The following SIN3B variants were observed in gnomAD, a reference collection of about 807,000 sequenced individuals.
The protein encoded by SIN3B is SIN3 transcription regulator family member B, also known as paired amphipathic helix protein Sin3b.
In SIN3B, 19 loss-of-function variants were observed where a neutral mutation model predicts 120.2. The ratio of observed to expected loss-of-function variants is 0.16; its 90% CI spans 0.11 to 0.23. The LOEUF is 0.23. Ranked by LOEUF, SIN3B falls within the 10% of genes least tolerant of loss-of-function variation. SIN3B has a pLI of 1.00. For missense variants in SIN3B, 1,073 were observed against 1,573.0 expected (o/e 0.68, Z 5.38); for synonymous variants, 654 against 653.2 (o/e 1.00, Z -0.02).
At chr19:16,863,318 G>A in intron 9 of SIN3B, 1 of 458,760 alleles carries the variant, frequency 2.2e-6, no homozygotes, top group Non-Finnish European at 3.9e-6. Flanking sequence ...CACATTTTAA[G>A]AATGCAGTGT....
At chr19:16,849,529 TA>T (rs1971518574) in intron 5 of SIN3B, among the ~76,000 whole-genome samples, 1 of 152,198 alleles carries the variant, frequency 6.6e-6, no homozygotes, top group African/African-American at 2.4e-5. Flanking sequence ...AAATTTTATT[TA>T]TGAGAACAAC....
Position 16,862,610 on chromosome 19 carries a change from C to T in SIN3B, c.1266+51C>T, listed in dbSNP as rs1971704841. The stretch of plus-strand genomic sequence containing the variant: ...TCGTTGACATGGTGCATCCCCCACC[C>T]CTCCCCAGCAAACACCCGATACCCC... On this transcript the variant is annotated intron_variant, in intron 9 of 18. Transcript: ENST00000248054. This position sits in a 1 kb window ranked among gnomAD's most constrained non-coding sequence, Gnocchi z 4.7. The T allele has an allele frequency of 6.7e-7, 1 of 1,500,112 alleles. No individual in the cohort carries two copies. The highest frequency in any genetic ancestry group is 9.2e-7 in the Non-Finnish European group (1 of 1,089,952). The allele number at this position is 1,500,112 out of a possible 1,614,324, so 92.9% of individuals were successfully genotyped here. A position where few individuals can be genotyped will look rare whatever the true frequency, so the allele number is the denominator to read the frequency against.
At chr19:16,871,549 A>T (rs985955685) in intron 14 of SIN3B, 151 bp downstream of exon 14, 8 of 686,880 alleles carry the variant, frequency 1.2e-5, no homozygotes, top group Non-Finnish European at 1.7e-5. Flanking sequence ...ACGTAAAATT[A>T]ACCATTTTGA....
chr19:16,831,581 C>T lies in SIN3B; in HGVS notation c.315C>T (p.Pro105=), dbSNP rs1470624905. 9 of 1,614,050 alleles carry T rather than the reference C, an allele frequency of 5.6e-6. No homozygotes were observed. The highest frequency in any genetic ancestry group is 1.3e-5 in the African/African-American group (1 of 75,028). The change falls in exon 3 of 19, where the codon CCC becomes CCT. Residue 105 remains proline, a synonymous_variant. Transcript: ENST00000248054. ...DLIVGFNAFL[P]LGYRIDIPKN... is the part of the protein sequence containing the mutation. The stretch of plus-strand genomic sequence containing the variant: ...TTGTTGGATTCAACGCTTTTCTTCC[C>T]CTCGGATATAGAATAGACATTCCCA...
rs142878165 is a variant in SIN3B at position 16,850,649 on chromosome 19, C to T, written c.727-763C>T. Among the ~76,000 whole-genome samples the T allele has an allele frequency of 4.6e-5, 7 of 152,218 alleles. No individual in the cohort carries two copies. The East Asian group carries it at 1.2e-3, about 25-fold the overall frequency. Reference sequence around the variant, plus strand: ...GAAGGCGGAGTACGATGGAGGTGACCGCAGTGGCACAGAACGTTGTAGGGC... The same window carrying T: ...GAAGGCGGAGTACGATGGAGGTGACTGCAGTGGCACAGAACGTTGTAGGGC... On this transcript the variant is annotated intron_variant, in intron 5 of 18. Coordinates refer to ENST00000248054, the MANE Select transcript of SIN3B (RefSeq NM_001297595.2).
chr19:16,833,631 CAA>C (rs762032276), intron 3 of SIN3B, among the ~76,000 whole-genome samples: 2 of 130,846 alleles, frequency 1.5e-5, no homozygotes, highest in Non-Finnish European at 3.3e-5. Context: ...GACTCCGTCT[CAA>C]AAAAAAAAAA....
intron 8 of SIN3B, among the ~76,000 whole-genome samples, chr19:16,857,714 C>A (rs1017214010): frequency 6.6e-6 from 1 of 152,122 alleles, no homozygotes; most frequent in Non-Finnish European, 1.5e-5. Flanking sequence ...CATTCCAGTC[C>A]CTGCCCCTCA....
At chr19:16,867,517 G>C (rs1359569633) in intron 12 of SIN3B, among the ~76,000 whole-genome samples, 5 of 152,152 alleles carry the variant, frequency 3.3e-5, no homozygotes, top group South Asian at 2.1e-4. Flanking sequence ...GCCAGCTGTC[G>C]GGAAGGTCCT....
chr19:16,837,381 G>A (rs901650082), intron 3 of SIN3B, among the ~76,000 whole-genome samples: 2 of 152,132 alleles, frequency 1.3e-5, no homozygotes, highest in African/African-American at 4.8e-5. Context: ...ATGGTGACAA[G>A]GACCAGAGAG....
intron 2 of SIN3B, among the ~76,000 whole-genome samples, chr19:16,830,362 A>G (rs1187744935): frequency 3.3e-5 from 5 of 152,134 alleles, no homozygotes; most frequent in African/African-American, 1.2e-4. Context: ...CCTGCTTGGA[A>G]GTAAGACGCA....
intron 4 of SIN3B, chr19:16,846,409 T>A (rs1241427314): frequency 6.6e-6 from 1 of 152,280 alleles, no homozygotes; most frequent in Non-Finnish European, 1.5e-5. Context: ...TGCTATTGCC[T>A]CTTGTTCTGT....
intron 12 of SIN3B, among the ~76,000 whole-genome samples, chr19:16,867,051 G>A (rs1329257744): frequency 6.6e-6 from 1 of 152,180 alleles, no homozygotes; most frequent in Non-Finnish European, 1.5e-5. Flanking sequence ...CACCGCTCCT[G>A]GCCGACTCTG....
In SIN3B at chr19:16,866,616, C is replaced by T. The variant is rs904075932; in HGVS notation, c.1806+60C>T. On this transcript the variant is annotated intron_variant, in intron 12 of 18. Coordinates refer to ENST00000248054, the MANE Select transcript of SIN3B (RefSeq NM_001297595.2). ...GTGGGGTCCTGGCTCTCCCGACCGCCGGGTCTGTGCCTCTGTTTCCCTGGT... is the reference window on the plus strand; with the variant it reads ...GTGGGGTCCTGGCTCTCCCGACCGCTGGGTCTGTGCCTCTGTTTCCCTGGT... 15 of 1,526,624 alleles carry T rather than the reference C, an allele frequency of 9.8e-6. No homozygotes were observed. In the East Asian group the frequency reaches 1.4e-4, roughly 14 times the overall value. 94.6% of individuals were successfully genotyped at this position (1,526,624 alleles called of 1,614,324 possible). A position where few individuals can be genotyped will look rare whatever the true frequency, so the allele number is the denominator to read the frequency against.
intron 8 of SIN3B, among the ~76,000 whole-genome samples, chr19:16,858,433 CAG>C (rs1971644479): frequency 6.6e-6 from 1 of 152,170 alleles, no homozygotes; most frequent in African/African-American, 2.4e-5. Flanking sequence ...GTCACGGCCT[CAG>C]AGTGATGAAC....
At chr19:16,860,865 T>G (rs1320981619) in intron 8 of SIN3B, among the ~76,000 whole-genome samples, 2 of 152,036 alleles carry the variant, frequency 1.3e-5, no homozygotes, top group Non-Finnish European at 2.9e-5. Context: ...AGTTCTGGGA[T>G]TACAAGCATG....
At position 16,862,770 on chromosome 19, in the gene SIN3B, A is replaced by C. The variant is rs183207353; in HGVS notation, c.1266+211A>C. On this transcript the variant is annotated intron_variant, in intron 9 of 18. Coordinates refer to ENST00000248054, the MANE Select transcript of SIN3B (RefSeq NM_001297595.2). The surrounding 1 kb of genome is among the most constrained non-coding windows in gnomAD (Gnocchi z 4.7). Reference sequence around the variant, plus strand: ...TGCTGGTAGTTTTGGCAAAACACAGAGTGCCAGGGATAACGTGGAGTTCGG... The same window carrying C: ...TGCTGGTAGTTTTGGCAAAACACAGCGTGCCAGGGATAACGTGGAGTTCGG... The C allele has an allele frequency of 1.2e-5, 12 of 1,035,318 alleles. No individual in the cohort carries two copies. In the Admixed American group the frequency reaches 1.8e-4, roughly 15 times the overall value. The allele number at this position is 1,035,318 out of a possible 1,614,324, so 64.1% of individuals were successfully genotyped here. A position where few individuals can be genotyped will look rare whatever the true frequency, so the allele number is the denominator to read the frequency against.
At chr19:16,858,635 A>T (rs888710559) in intron 8 of SIN3B, among the ~76,000 whole-genome samples, 24 of 151,758 alleles carry the variant, frequency 1.6e-4, no homozygotes, top group African/African-American at 5.8e-4. Flanking sequence ...GCCGAGGGGG[A>T]AGGATCACTT....
intron 8 of SIN3B, among the ~76,000 whole-genome samples, chr19:16,856,687 T>A (rs1055895640): frequency 1.6e-4 from 24 of 152,196 alleles, no homozygotes; most frequent in African/African-American, 5.1e-4. Context: ...CTCTCCTGCC[T>A]CATCCTCCTG....
Position 16,854,199 on chromosome 19 carries a change from A to G in SIN3B, c.996A>G (p.Ala332=), listed in dbSNP as rs146241795. 15 of 1,612,646 alleles carry G rather than the reference A, an allele frequency of 9.3e-6. No homozygotes were observed. The African/African-American group carries it at 2.0e-4, about 22-fold the overall frequency. The part of the protein sequence containing the change: ...EVYENFLRCI[A]LFNQELVSGS... The stretch of plus-strand genomic sequence containing the variant: ...ATGAAAACTTCCTCCGCTGCATCGC[A>G]CTCTTCAACCAGGAGCTGGTGTCTG... Residue 332 remains alanine (A), a synonymous_variant, in exon 8 of 19, where the codon GCA becomes GCG. Coordinates refer to ENST00000248054, the MANE Select transcript of SIN3B (RefSeq NM_001297595.2).
Sources: allele counts gnomAD v4.1 joint callset (sites outside exome capture counted in the v4.1 genomes callset), GRCh38; gene constraint gnomAD v4.1.1; non-coding constraint Gnocchi (gnomAD v3.1); transcripts MANE v1.5; gene names NCBI Gene and HGNC (gene_info 2026-07-23, HGNC 2026-07-21).